The following PDGFD variants were observed in gnomAD, a reference collection of about 807,000 sequenced individuals.
PDGFD encodes platelet-derived growth factor D.
In PDGFD, 30 loss-of-function variants were observed where a neutral mutation model predicts 44.7. The observed-to-expected ratio is 0.67, with a 90% confidence interval of 0.50 to 0.91. PDGFD has a LOEUF of 0.91. Among genes scored for constraint, PDGFD ranks in the 40% least tolerant of loss-of-function variants. PDGFD has a pLI of 0.00. For synonymous variants in PDGFD, 173 were observed against 168.4 expected (o/e 1.03, Z -0.21); for missense variants, 445 against 457.8 (o/e 0.97, Z 0.25).
intron 5 of PDGFD, among the ~76,000 whole-genome samples, chr11:103,931,698 C>T (rs1401930604): frequency 2.6e-5 from 4 of 152,144 alleles, no homozygotes; most frequent in East Asian, 1.9e-4. Context: ...GCAATTCTCC[C>T]GCCTCAGCCT....
At chr11:104,103,830 T>C (rs906683349) in intron 1 of PDGFD, among the ~76,000 whole-genome samples, 2 of 152,150 alleles carry the variant, frequency 1.3e-5, no homozygotes, top group Non-Finnish European at 2.9e-5. Context: ...TAAATGACTA[T>C]GTAACTGGTT....
intron 1 of PDGFD, among the ~76,000 whole-genome samples, chr11:104,029,615 C>T (rs955119280): frequency 6.6e-6 from 1 of 152,200 alleles, no homozygotes; most frequent in African/African-American, 2.4e-5. Flanking sequence ...ATACTCTGTC[C>T]TATTTGGAAG....
chr11:103,927,792 A>G (rs985469552), intron 5 of PDGFD, among the ~76,000 whole-genome samples: 1 of 152,236 alleles, frequency 6.6e-6, no homozygotes, highest in Non-Finnish European at 1.5e-5. Context: ...CTTCAATCAC[A>G]TCATGGCTAT....
intron 1 of PDGFD, among the ~76,000 whole-genome samples, chr11:104,014,009 G>A (rs550679856): frequency 2.6e-5 from 4 of 152,116 alleles, no homozygotes; most frequent in Non-Finnish European, 5.9e-5. Flanking sequence ...GATAGTGACA[G>A]TAACCTCCAG....
At chr11:104,016,062 G>C (rs913058452) in intron 1 of PDGFD, among the ~76,000 whole-genome samples, 3 of 152,156 alleles carry the variant, frequency 2.0e-5, no homozygotes, top group Non-Finnish European at 2.9e-5. Flanking sequence ...CTTTTTATTT[G>C]CACAGTATCA....
At chr11:103,988,537 A>G (rs769881077) in intron 3 of PDGFD, among the ~76,000 whole-genome samples, 6 of 152,322 alleles carry the variant, frequency 3.9e-5, no homozygotes, top group Middle Eastern at 3.4e-3. Flanking sequence ...TCAAAGTCAG[A>G]TAACACACAA....
At chr11:104,056,848 G>A (rs774340324) in intron 1 of PDGFD, among the ~76,000 whole-genome samples, 2 of 151,802 alleles carry the variant, frequency 1.3e-5, no homozygotes, top group East Asian at 1.9e-4. Context: ...TAAAAAAACC[G>A]GCTGGGCATG....
chr11:104,014,321 C>T (rs759022092), intron 1 of PDGFD, among the ~76,000 whole-genome samples: 1 of 152,084 alleles, frequency 6.6e-6, no homozygotes. Context: ...CACAGAGAGA[C>T]CCCATGTCTA....
intron 1 of PDGFD, among the ~76,000 whole-genome samples, chr11:104,157,907 G>A (rs868441488): frequency 6.7e-6 from 1 of 148,170 alleles, no homozygotes; most frequent in African/African-American, 2.5e-5. Context: ...TGCTCTACAG[G>A]ATAAATTTAT....
At chr11:103,952,086 C>T (rs1302746901) in intron 3 of PDGFD, among the ~76,000 whole-genome samples, 2 of 152,090 alleles carry the variant, frequency 1.3e-5, no homozygotes, top group Non-Finnish European at 2.9e-5. Flanking sequence ...CTGGTTGGTC[C>T]CTATGCCATA....
chr11:103,910,793 C>T (rs887057261), intron 6 of PDGFD, among the ~76,000 whole-genome samples: 1 of 136,142 alleles, frequency 7.3e-6, no homozygotes, highest in African/African-American at 2.7e-5. Context: ...TCAGTGGGTC[C>T]CACCCCCATG....
chr11:104,071,240 T>C (rs1052893921), intron 1 of PDGFD, among the ~76,000 whole-genome samples: 2 of 151,984 alleles, frequency 1.3e-5, no homozygotes, highest in Non-Finnish European at 2.9e-5. Context: ...AAAAATGGTA[T>C]GTCATAATAA....
At chr11:104,043,858 C>T (rs1156692524) in intron 1 of PDGFD, among the ~76,000 whole-genome samples, 5 of 152,126 alleles carry the variant, frequency 3.3e-5, no homozygotes, top group African/African-American at 1.2e-4. Context: ...AGGCATCTGC[C>T]CCCATGACCC....
chr11:104,054,071 G>A (rs180793789), intron 1 of PDGFD, among the ~76,000 whole-genome samples: 9 of 152,288 alleles, frequency 5.9e-5, no homozygotes, highest in Non-Finnish European at 8.8e-5. Context: ...ACAACACCAT[G>A]AGGCACACAA....
chr11:103,917,103 A>G (rs1858139505), intron 6 of PDGFD, among the ~76,000 whole-genome samples: 1 of 151,970 alleles, frequency 6.6e-6, no homozygotes, highest in African/African-American at 2.4e-5. Flanking sequence ...AACACACAAC[A>G]TGTTGCCCTG....
chr11:104,000,778 T>C (rs1039582505), intron 1 of PDGFD, among the ~76,000 whole-genome samples: 11 of 152,188 alleles, frequency 7.2e-5, no homozygotes, highest in African/African-American at 2.7e-4. Flanking sequence ...CATCCATCCT[T>C]CCACCACGAA....
At chr11:104,092,658 T>C (rs181926998) in intron 1 of PDGFD, among the ~76,000 whole-genome samples, 3 of 152,312 alleles carry the variant, frequency 2.0e-5, no homozygotes, top group East Asian at 1.9e-4. Flanking sequence ...AATAGAGTCA[T>C]ATCATGGGCA....
chr11:103,929,328 G>C (rs949813218), intron 5 of PDGFD, among the ~76,000 whole-genome samples: 23 of 152,128 alleles, frequency 1.5e-4, no homozygotes, highest in African/African-American at 4.3e-4. Flanking sequence ...GGCTGTACTG[G>C]ACTTTCCTGT....
At chr11:104,159,386 A>G (rs1413317506) in intron 1 of PDGFD, among the ~76,000 whole-genome samples, 1 of 152,126 alleles carries the variant, frequency 6.6e-6, no homozygotes, top group Non-Finnish European at 1.5e-5. Context: ...TCATCCATCT[A>G]AAAGATTTTC....
Sources: allele counts gnomAD v4.1 joint callset (sites outside exome capture counted in the v4.1 genomes callset), GRCh38; gene constraint gnomAD v4.1.1; transcripts MANE v1.5; gene names NCBI Gene and HGNC (gene_info 2026-07-23, HGNC 2026-07-21).